The following ZNF175 variants were observed in gnomAD, a reference collection of about 807,000 sequenced individuals.
ZNF175 encodes the protein zinc finger protein OTK18.
ZNF175 carries 8 observed loss-of-function variants against 14.0 expected under a neutral mutation model. The observed-to-expected ratio is 0.57, with a 90% CI of 0.34 to 1.03. ZNF175 has a LOEUF of 1.03. ZNF175 is among the 50% of genes least tolerant of loss of function. The probability of loss-of-function intolerance (pLI) is 0.03; values close to 1 mark genes in which losing one functional copy is unlikely to be tolerated. For missense variants in ZNF175, 764 were observed against 849.5 expected (o/e 0.90, Z 1.25); for synonymous variants, 255 against 296.8 (o/e 0.86, Z 1.45).
In ZNF175 at chr19:51,588,797, A is replaced by G. The variant is rs1982262319; in HGVS notation, c.*330A>G. The G allele has an allele frequency of 4.9e-6, 2 of 405,050 alleles. No individual in the cohort carries two copies. Among genetic ancestry groups the G allele is most frequent in the Non-Finnish European group, 8.7e-6 (2 of 229,802 alleles). 25.1% of individuals were successfully genotyped at this position (405,050 alleles called of 1,614,324 possible). ...GTACAAGACAGGTTGTTACTCGATT[A>G]TTTATAGTAAAATATGTGGGAAATT... On this transcript the variant is annotated 3_prime_UTR_variant, in exon 5 of 5. Transcript: ENST00000262259.
chr19:51,581,679 C>T (rs939147488), intron 3 of ZNF175, 108 bp from the exon 4 acceptor site: 2 of 1,523,250 alleles, frequency 1.3e-6, no homozygotes, highest in East Asian at 4.7e-5. Flanking sequence ...TTATTTTGTG[C>T]CCAGTGGAAA....
chr19:51,581,251 A>G lies in ZNF175; in HGVS notation c.73-140A>G, dbSNP rs1336756918. 3.5e-6 allele frequency: 4 copies of G among 1,142,286 alleles called. No individual in the cohort carries two copies. The East Asian group carries it at 7.6e-5, about 22-fold the overall frequency. The allele number at this position is 1,142,286 out of a possible 1,614,324, so 70.8% of individuals were successfully genotyped here. On this transcript the variant is annotated intron_variant, in intron 2 of 4. Transcript: ENST00000262259. ...CTCTTATTTTTTTTTAAATCCCTAA[A>G]AATGTGAAATAGGTGTTTGGTGGGA...
chr19:51,587,809 A>G lies in ZNF175; in HGVS notation c.1478A>G (p.His493Arg), dbSNP rs556335429. 2 of 1,614,228 alleles carry G rather than the reference A, an allele frequency of 1.2e-6. No homozygotes were observed. Among genetic ancestry groups the G allele is most frequent in the African/African-American group, 1.3e-5 (1 of 75,058 alleles). The change falls in exon 5 of 5, where the codon CAT (histidine) becomes CGT (arginine). Residue 493 changes from histidine (H) to arginine (R), a missense_variant. His to Arg is a conservative substitution (Grantham distance 29). Coordinates refer to ENST00000262259, the MANE Select transcript of ZNF175 (RefSeq NM_007147.4). ...SFISKSQLDI[H>R]HRIHTGEKPY... ...ATTTCCAAGTCACAGCTTGATATAC[A>G]TCATCGAATTCATACAGGGGAGAAA...
At chr19:51,581,025 G>A (rs548777114) in intron 2 of ZNF175, among the ~76,000 whole-genome samples, 3 of 152,276 alleles carry the variant, frequency 2.0e-5, no homozygotes, top group South Asian at 4.1e-4. Flanking sequence ...CTGAGTTGCT[G>A]CAAGAGTAGA....
At chr19:51,586,509 A>T (rs1982166328) in intron 4 of ZNF175, 118 bp from the exon 5 acceptor site, 2 of 959,010 alleles carry the variant, frequency 2.1e-6, no homozygotes, top group African/African-American at 3.3e-5. Context: ...TGTCAGCATC[A>T]TTAGCAGCAT....
chr19:51,573,136 A>T lies in ZNF175; in HGVS notation c.-180-14A>T. 1.6e-6 allele frequency: 1 copy of T among 614,578 alleles called. No individual in the cohort carries two copies. Among genetic ancestry groups the T allele is most frequent in the South Asian group, 2.0e-5 (1 of 49,076 alleles). 38.1% of individuals were successfully genotyped at this position (614,578 alleles called of 1,614,324 possible). ...ATGTTGAATGAGTGACCATGTACTC[A>T]TTGCTTTTCCAAGGCTTCTGCAGAA... On this transcript the variant is annotated splice_polypyrimidine_tract_variant and intron_variant, in intron 1 of 4. Coordinates refer to ENST00000262259, the MANE Select transcript of ZNF175 (RefSeq NM_007147.4).
Position 51,587,021 on chromosome 19 carries a change from T to C in ZNF175, c.690T>C (p.Gly230=), listed in dbSNP as rs1363674531. ...AGCTTGATGACGTTGTTGGGTCTGG[T>C]CAGCTATTCAGCCATAGCTCTTCTG... ...TEQLDDVVGS[G]QLFSHSSSDA... Residue 230 remains glycine, a synonymous_variant, in exon 5 of 5, where the codon GGT becomes GGC. Transcript: ENST00000262259. 1.9e-6 allele frequency: 3 copies of C among 1,614,208 alleles called. No individual in the cohort carries two copies. The highest frequency in any genetic ancestry group is 2.5e-6 in the Non-Finnish European group (3 of 1,180,018).
intron 2 of ZNF175, among the ~76,000 whole-genome samples, chr19:51,577,751 C>A (rs1224385231): frequency 6.6e-6 from 1 of 150,718 alleles, no homozygotes; most frequent in Non-Finnish European, 1.5e-5. Flanking sequence ...GCAAGCTCCG[C>A]CTCCCGGGTT....
At chr19:51,576,564 C>A (rs1487024535) in intron 2 of ZNF175, among the ~76,000 whole-genome samples, 1 of 152,180 alleles carries the variant, frequency 6.6e-6, no homozygotes, top group Non-Finnish European at 1.5e-5. Context: ...TTTACATAGT[C>A]AGCAAGCAGC....
chr19:51,580,335 T>C (rs2122567699), intron 2 of ZNF175, among the ~76,000 whole-genome samples: 1 of 152,322 alleles, frequency 6.6e-6, no homozygotes. Flanking sequence ...TCTCTCTCCT[T>C]GTGATAAAAT....
Position 51,581,888 on chromosome 19 carries a change from T to C in ZNF175, c.295+6T>C, listed in dbSNP as rs902185049. ...CTCACATCAGAGGTGTCAAGGTGAG[T>C]AAGTTGTACCCGGGCAAATGTAGAT... On this transcript the variant is annotated splice_donor_region_variant and intron_variant, in intron 4 of 4. Transcript: ENST00000262259. 5.6e-6 allele frequency: 9 copies of C among 1,612,142 alleles called. No individual in the cohort carries two copies. The highest frequency in any genetic ancestry group is 7.6e-6 in the Non-Finnish European group (9 of 1,178,834).
intron 4 of ZNF175, 103 bp downstream of exon 4, chr19:51,581,985 G>T: frequency 1.9e-6 from 2 of 1,055,634 alleles, no homozygotes; most frequent in Non-Finnish European, 2.8e-6. Context: ...ATGGCCCGTA[G>T]ATTGCCTCCT....
rs757468304 is a variant in ZNF175, at chr19:51,588,318, C to T, written c.1987C>T (p.Arg663Ter). The change falls in exon 5 of 5, where the codon CGA becomes TGA. Residue 663 changes from arginine to a stop codon, truncating the protein, a stop_gained. Coordinates refer to ENST00000262259, the MANE Select transcript of ZNF175 (RefSeq NM_007147.4). LOFTEE classifies it low-confidence loss of function (END_TRUNC). The stretch of plus-strand genomic sequence containing the variant: ...GAAACCACAACTCAAGGTGCATCAG[C>T]GAATTCACACGGGAGAAAGACCTTA... ...SKKPQLKVHQ[R>*]IHTGERPYVC... 14 of 1,613,956 alleles carry T rather than the reference C, an allele frequency of 8.7e-6. No individual in the cohort carries two copies. The highest frequency in any genetic ancestry group is 2.2e-5 in the South Asian group (2 of 91,078).
rs1246355856 is a variant in ZNF175 at position 51,587,434 on chromosome 19, G to A, written c.1103G>A (p.Cys368Tyr). Residue 368 changes from cysteine (C) to tyrosine (Y), a missense_variant, in exon 5 of 5, where the codon TGT becomes TAT. Transcript: ENST00000262259. ...TRKKPYKCHD[C>Y]GKAFFQMLSL... Reference sequence around the variant, plus strand: ...AAGAAGCCCTATAAATGCCATGACTGTGGAAAAGCCTTTTTCCAGATGTTA... The same window carrying A: ...AAGAAGCCCTATAAATGCCATGACTATGGAAAAGCCTTTTTCCAGATGTTA... 3.7e-6 allele frequency: 6 copies of A among 1,614,086 alleles called. No individual in the cohort carries two copies. Among genetic ancestry groups the A allele is most frequent in the East Asian group, 4.5e-5 (2 of 44,898 alleles).
chr19:51,580,359 C>T (rs1981956925), intron 2 of ZNF175, among the ~76,000 whole-genome samples: 2 of 152,090 alleles, frequency 1.3e-5, no homozygotes, highest in African/African-American at 4.8e-5. Flanking sequence ...TGATTGGGTT[C>T]AGATATTGTC....
chr19:51,576,136 G>A (rs1981773978), intron 2 of ZNF175, among the ~76,000 whole-genome samples: 2 of 148,190 alleles, frequency 1.3e-5, no homozygotes, highest in South Asian at 2.1e-4. Context: ...CTATTTCAGG[G>A]ACAGTTTTTT....
chr19:51,585,474 C>T (rs1982135588), intron 4 of ZNF175, among the ~76,000 whole-genome samples: 1 of 148,550 alleles, frequency 6.7e-6, no homozygotes, highest in Non-Finnish European at 1.5e-5. Context: ...TGCACTTTTG[C>T]TACAATAAGA....
In ZNF175 at chr19:51,590,316, C is replaced by T. The variant is rs1250424781; in HGVS notation, c.*1849C>T. The T allele has an allele frequency of 6.6e-6, 1 of 152,250 alleles. No individual in the cohort carries two copies. The highest frequency in any genetic ancestry group is 1.5e-5 in the Non-Finnish European group (1 of 68,116). 9.4% of individuals were successfully genotyped at this position (152,250 alleles called of 1,614,324 possible). Reference sequence around the variant, plus strand: ...AAGGGAGATGATGATAGTACCCTACCCCCATGCATTTGGTGTGAGAAGTGT... The same window carrying T: ...AAGGGAGATGATGATAGTACCCTACTCCCATGCATTTGGTGTGAGAAGTGT... On this transcript the variant is annotated 3_prime_UTR_variant, in exon 5 of 5. Coordinates refer to ENST00000262259, the MANE Select transcript of ZNF175 (RefSeq NM_007147.4).
intron 2 of ZNF175, among the ~76,000 whole-genome samples, chr19:51,576,148 T>G (rs972333401): frequency 1.6e-5 from 2 of 123,422 alleles, no homozygotes; most frequent in Admixed American, 8.1e-5. Flanking sequence ...CAGTTTTTTT[T>G]TTTGTTTTTT....
Sources: gnomAD v4.1 joint callset for allele counts (sites outside exome capture counted in the v4.1 genomes callset) on GRCh38, gnomAD v4.1.1 for gene constraint, MANE v1.5 for transcripts, NCBI Gene and HGNC (gene_info 2026-07-23, HGNC 2026-07-21) for gene names.